Variants in YWHAE observed in about 807,000 individuals in gnomAD.
YWHAE encodes the protein tyrosine 3-monooxygenase/tryptophan 5-monooxygenase activation protein epsilon.
A neutral mutation model predicts 30.1 loss-of-function variants in YWHAE; 4 were observed. The ratio of observed to expected loss-of-function variants is 0.13; its 90% CI spans 0.07 to 0.30. The LOEUF (loss-of-function observed/expected upper bound fraction) is 0.30, where lower values mean the gene tolerates loss of function less well. Ranked by LOEUF, YWHAE falls within the 10% of genes least tolerant of loss-of-function variation. The pLI is 1.00. For missense variants in YWHAE, 121 were observed against 315.9 expected, an observed-to-expected ratio of 0.38 and a Z score of 4.68; for synonymous variants, 118 against 111.8, an observed-to-expected ratio of 1.06 and a Z score of -0.35.
chr17:1,375,689 TAAG>T (rs2073111571), intron 1 of YWHAE, among the ~76,000 whole-genome samples: 1 of 152,346 alleles, frequency 6.6e-6, no homozygotes. Flanking sequence ...TAGTTCCAAG[TAAG>T]TTTCCCTTCA....
intron 1 of YWHAE, among the ~76,000 whole-genome samples, chr17:1,382,509 A>G (rs1399033752): frequency 6.8e-6 from 1 of 147,768 alleles, no homozygotes; most frequent in Non-Finnish European, 1.5e-5. Flanking sequence ...GGCGCCCACC[A>G]CCAGGCCAGG....
chr17:1,398,006 T>C (rs2073500165), intron 1 of YWHAE, among the ~76,000 whole-genome samples: 1 of 152,172 alleles, frequency 6.6e-6, no homozygotes, highest in African/African-American at 2.4e-5. Context: ...AAAAATATAA[T>C]TATCACTAAC....
Position 1,345,280 on chromosome 17 carries a change from A to G in YWHAE, c.*167T>C. ...TCACTCTTGCCTTTAAGAACTTTTG[A>G]AAACTGTTTAAAAAAAAAAAAAAAA... On this transcript the variant is annotated 3_prime_UTR_variant, in exon 6 of 6. Coordinates refer to ENST00000264335, the MANE Select transcript of YWHAE (RefSeq NM_006761.5). 1.5e-6 allele frequency: 1 copy of G among 654,416 alleles called. No homozygotes were observed. 40.5% of individuals were successfully genotyped at this position (654,416 alleles called of 1,614,324 possible).
At chr17:1,359,119 G>C (rs2072811135) in intron 4 of YWHAE, among the ~76,000 whole-genome samples, 1 of 151,706 alleles carries the variant, frequency 6.6e-6, no homozygotes, top group South Asian at 2.1e-4. Flanking sequence ...CTGGGTGACA[G>C]TGCCAGGCTC....
intron 1 of YWHAE, among the ~76,000 whole-genome samples, chr17:1,396,615 A>T (rs12453498): frequency 0.48 from 72,846 of 151,970 alleles, 18,840 homozygotes; most frequent in African/African-American, 0.66. Context: ...GCTCCCCAAA[A>T]ACGGGTAAAC....
intron 4 of YWHAE, among the ~76,000 whole-genome samples, chr17:1,358,341 G>A (rs1350419900): frequency 3.3e-5 from 5 of 152,160 alleles, no homozygotes; most frequent in Admixed American, 6.5e-5. Context: ...CCAGGTTCAC[G>A]CCATTCTCCT....
intron 5 of YWHAE, among the ~76,000 whole-genome samples, chr17:1,353,113 T>C (rs1567956377): frequency 6.6e-6 from 1 of 152,174 alleles, no homozygotes; most frequent in Non-Finnish European, 1.5e-5. Context: ...TTTACTAAAA[T>C]ACTCTGAAGC....
chr17:1,362,023 A>AAT lies in YWHAE; in HGVS notation c.265-16_265-15insAT. The AAT allele has an allele frequency of 8.7e-6, 12 of 1,378,862 alleles. No individual in the cohort carries two copies. Among genetic ancestry groups the AAT allele is most frequent in the African/African-American group, 2.9e-5 (2 of 68,396 alleles). 85.4% of individuals were successfully genotyped at this position (1,378,862 alleles called of 1,614,324 possible). ...TCAGTCTCAACCTAAAAAAAAAAAA[A>AAT]TTTTTTTTAAATCAGATTAAGTCTA... On this transcript the variant is annotated splice_polypyrimidine_tract_variant and intron_variant, in intron 2 of 5. Coordinates refer to ENST00000264335, the MANE Select transcript of YWHAE (RefSeq NM_006761.5).
At chr17:1,351,315 T>C (rs141805119) in intron 5 of YWHAE, among the ~76,000 whole-genome samples, 21 of 151,788 alleles carry the variant, frequency 1.4e-4, no homozygotes, top group African/African-American at 4.1e-4. Context: ...GAGATGTAGG[T>C]TGCAGTCAGC....
Position 1,345,413 on chromosome 17 carries a change from T to TG in YWHAE, c.*33dup. ...AAAGGGTGGGATGGGGAGGAGGGGG[T>TG]GGTCAGAGATGGTTTCTCTTGTTGG... On this transcript the variant is annotated 3_prime_UTR_variant, in exon 6 of 6. Coordinates refer to ENST00000264335, the MANE Select transcript of YWHAE (RefSeq NM_006761.5). The TG allele has an allele frequency of 1.2e-6, 2 of 1,606,728 alleles. No homozygotes were observed. The highest frequency in any genetic ancestry group is 2.2e-5 in the South Asian group (2 of 90,796).
intron 1 of YWHAE, among the ~76,000 whole-genome samples, chr17:1,387,668 C>T (rs1019795192): frequency 6.6e-6 from 1 of 152,066 alleles, no homozygotes; most frequent in South Asian, 2.1e-4. Context: ...GTTTCCCAGG[C>T]TGGAGTGCAG....
At chr17:1,367,497 G>C (rs539534830) in intron 1 of YWHAE, among the ~76,000 whole-genome samples, 6 of 152,268 alleles carry the variant, frequency 3.9e-5, no homozygotes, top group Admixed American at 2.6e-4. Flanking sequence ...AGGAGATTAA[G>C]GCAAGAGAAC....
At chr17:1,377,937 T>TAA (rs765220182) in intron 1 of YWHAE, among the ~76,000 whole-genome samples, 2 of 152,112 alleles carry the variant, frequency 1.3e-5, no homozygotes, top group Non-Finnish European at 2.9e-5. Flanking sequence ...TAATCCCAGC[T>TAA]ACTCGGGAGG....
intron 1 of YWHAE, among the ~76,000 whole-genome samples, chr17:1,393,421 T>C (rs1308925366): frequency 6.6e-6 from 1 of 152,214 alleles, no homozygotes; most frequent in East Asian, 1.9e-4. Context: ...ACAGACATTA[T>C]GATAAACTAC....
At chr17:1,366,146 G>A (rs1351874922) in intron 1 of YWHAE, among the ~76,000 whole-genome samples, 1 of 151,372 alleles carries the variant, frequency 6.6e-6, no homozygotes, top group East Asian at 1.9e-4. Context: ...AACCCAGAAG[G>A]TGGAGATTGC....
chr17:1,378,701 T>G (rs898970765), intron 1 of YWHAE, among the ~76,000 whole-genome samples: 12 of 152,212 alleles, frequency 7.9e-5, no homozygotes, highest in African/African-American at 2.7e-4. Context: ...TCCCAGCACT[T>G]TGAGAGGCCA....
chr17:1,374,722 T>C (rs1382148522), intron 1 of YWHAE, among the ~76,000 whole-genome samples: 1 of 152,248 alleles, frequency 6.6e-6, no homozygotes, highest in Non-Finnish European at 1.5e-5. Context: ...GCCTTTTGCG[T>C]ATGTTCTCTG....
intron 5 of YWHAE, among the ~76,000 whole-genome samples, chr17:1,351,174 C>A (rs1241483016): frequency 6.6e-6 from 1 of 152,094 alleles, no homozygotes. Flanking sequence ...GCCTGGCCAA[C>A]ATAGTGGAAC....
chr17:1,349,941 C>A (rs184098057), intron 5 of YWHAE, among the ~76,000 whole-genome samples: 2 of 137,146 alleles, frequency 1.5e-5, no homozygotes, highest in Admixed American at 7.9e-5. Context: ...TTAAAAACTG[C>A]GAAAGTATTA....
Sources: gnomAD v4.1 joint callset for allele counts (sites outside exome capture counted in the v4.1 genomes callset) on GRCh38, gnomAD v4.1.1 for gene constraint, MANE v1.5 for transcripts, NCBI Gene and HGNC (gene_info 2026-07-23, HGNC 2026-07-21) for gene names.